Variants in IQCM observed in about 807,000 individuals in gnomAD.
The protein encoded by IQCM is IQ motif containing M, also known as IQ domain-containing protein M.
Under a neutral mutation model 57.6 loss-of-function variants are expected in IQCM, and 45 were observed. That is an observed-to-expected ratio of 0.78 (90% CI 0.62 to 1.00). The LOEUF is 1.00. Among genes scored for constraint, IQCM ranks in the 50% least tolerant of loss-of-function variants. The pLI is 0.00. For synonymous variants in IQCM, 148 were observed against 158.9 expected (o/e 0.93, Z 0.51); for missense variants, 468 against 511.6 (o/e 0.91, Z 0.82).
At chr4:149,490,244 T>A (rs986180298) in intron 12 of IQCM, among the ~76,000 whole-genome samples, 1 of 151,996 alleles carries the variant, frequency 6.6e-6, no homozygotes, top group Non-Finnish European at 1.5e-5. Flanking sequence ...GCATAATAGA[T>A]TTACCTATGC....
intron 7 of IQCM, among the ~76,000 whole-genome samples, chr4:149,655,915 C>T (rs1336423262): frequency 6.6e-6 from 1 of 152,070 alleles, no homozygotes; most frequent in Non-Finnish European, 1.5e-5. Flanking sequence ...TTTGATAAAA[C>T]TGAAATATTC....
intron 2 of IQCM, among the ~76,000 whole-genome samples, chr4:149,746,067 T>C (rs1435629087): frequency 6.6e-6 from 1 of 151,748 alleles, no homozygotes; most frequent in African/African-American, 2.4e-5. Context: ...TTATCGTAAT[T>C]AGCAGGATGC....
chr4:149,678,548 A>G (rs949357671), intron 7 of IQCM, among the ~76,000 whole-genome samples: 6 of 151,782 alleles, frequency 4.0e-5, no homozygotes, highest in African/African-American at 1.2e-4. Context: ...TCTTCAATCC[A>G]AAAGAAAGAG....
chr4:149,529,613 G>GAA (rs1276765189), intron 12 of IQCM, among the ~76,000 whole-genome samples: 1 of 152,096 alleles, frequency 6.6e-6, no homozygotes, highest in Non-Finnish European at 1.5e-5. Flanking sequence ...ACTCTACAGA[G>GAA]AATATCTCTA....
At chr4:149,517,496 T>C (rs1159474924) in intron 12 of IQCM, among the ~76,000 whole-genome samples, 1 of 152,176 alleles carries the variant, frequency 6.6e-6, no homozygotes, top group Non-Finnish European at 1.5e-5. Flanking sequence ...CTTATTATTG[T>C]CTTTATTTGA....
intron 13 of IQCM, among the ~76,000 whole-genome samples, chr4:149,362,872 T>C (rs1729589960): frequency 6.6e-6 from 1 of 152,196 alleles, no homozygotes; most frequent in Admixed American, 6.5e-5. Context: ...GGAAAAACTT[T>C]TAGTAAGAGG....
chr4:149,476,451 G>A (rs1050514723), intron 12 of IQCM, among the ~76,000 whole-genome samples: 3 of 152,096 alleles, frequency 2.0e-5, no homozygotes, highest in East Asian at 1.9e-4. Context: ...GGCAGAAAGC[G>A]ATCAAACCAT....
intron 12 of IQCM, among the ~76,000 whole-genome samples, chr4:149,498,841 C>T (rs560936663): frequency 1.3e-5 from 2 of 152,100 alleles, no homozygotes; most frequent in East Asian, 1.9e-4. Flanking sequence ...CAAAGCCCAC[C>T]GGTTTGGGTT....
At chr4:149,715,836 A>G (rs1764944425) in intron 5 of IQCM, among the ~76,000 whole-genome samples, 1 of 152,174 alleles carries the variant, frequency 6.6e-6, no homozygotes, top group Non-Finnish European at 1.5e-5. Flanking sequence ...AGGTCATCCC[A>G]ACATCAATGT....
chr4:149,613,767 T>C (rs922091379), intron 8 of IQCM, among the ~76,000 whole-genome samples: 1 of 152,090 alleles, frequency 6.6e-6, no homozygotes, highest in Non-Finnish European at 1.5e-5. Flanking sequence ...TCCCTTCCCG[T>C]GTCCATGTGT....
chr4:149,765,199 C>A (rs1401826879), intron 2 of IQCM, among the ~76,000 whole-genome samples: 2 of 151,820 alleles, frequency 1.3e-5, no homozygotes, highest in Non-Finnish European at 2.9e-5. Context: ...TCAGGGAAAC[C>A]AAAAAACAAG....
intron 8 of IQCM, among the ~76,000 whole-genome samples, chr4:149,590,981 A>G (rs1579607223): frequency 6.6e-6 from 1 of 152,032 alleles, no homozygotes; most frequent in East Asian, 1.9e-4. Context: ...TCCCAGGCCA[A>G]TGCATTTGGA....
intron 7 of IQCM, among the ~76,000 whole-genome samples, chr4:149,660,968 A>G (rs1041007685): frequency 6.6e-6 from 1 of 152,082 alleles, no homozygotes; most frequent in African/African-American, 2.4e-5. Flanking sequence ...TGTACCCTAA[A>G]ACTTAAAGTA....
At chr4:149,612,791 C>T (rs1755421249) in intron 8 of IQCM, among the ~76,000 whole-genome samples, 1 of 151,952 alleles carries the variant, frequency 6.6e-6, no homozygotes, top group African/African-American at 2.4e-5. Context: ...AAGAAATATT[C>T]ATTTCAAAAT....
chr4:149,457,504 G>A (rs1244065606), intron 12 of IQCM, among the ~76,000 whole-genome samples: 2 of 151,926 alleles, frequency 1.3e-5, no homozygotes, highest in African/African-American at 4.8e-5. Flanking sequence ...TTTTTTAAAT[G>A]TATAATAAAT....
intron 5 of IQCM, among the ~76,000 whole-genome samples, chr4:149,722,195 C>A (rs534510798): frequency 1.7e-3 from 262 of 152,066 alleles, no homozygotes; most frequent in African/African-American, 5.2e-3. Flanking sequence ...TGGATATTAG[C>A]CCTTTGTCAG....
chr4:149,364,224 A>G (rs1178198951), intron 13 of IQCM, among the ~76,000 whole-genome samples: 1 of 152,174 alleles, frequency 6.6e-6, no homozygotes, highest in Non-Finnish European at 1.5e-5. Context: ...AATCTCAACG[A>G]TAAAAGTCAC....
chr4:149,665,581 T>C (rs985756215), intron 7 of IQCM, among the ~76,000 whole-genome samples: 4 of 152,172 alleles, frequency 2.6e-5, no homozygotes, highest in East Asian at 1.9e-4. Flanking sequence ...TTTCGGTCTC[T>C]CTTTGTGGGG....
At chr4:149,770,946 G>A (rs1366501437) in intron 2 of IQCM, among the ~76,000 whole-genome samples, 1 of 151,982 alleles carries the variant, frequency 6.6e-6, no homozygotes, top group Admixed American at 6.5e-5. Context: ...AATAGGCAAA[G>A]AAAATGAAAC....
Sources: allele counts gnomAD v4.1 joint callset (sites outside exome capture counted in the v4.1 genomes callset), GRCh38; gene constraint gnomAD v4.1.1; transcripts MANE v1.5; gene names NCBI Gene and HGNC (gene_info 2026-07-23, HGNC 2026-07-21).